Variants in PRKN observed in about 807,000 individuals in gnomAD.
The protein encoded by PRKN is E3 ubiquitin-protein ligase parkin.
PRKN carries 56 observed loss-of-function variants against 59.5 expected under a neutral mutation model. The ratio of observed to expected loss-of-function variants is 0.94; its 90% CI spans 0.76 to 1.18. The LOEUF is 1.18. PRKN is among the 50% of genes most tolerant of loss of function. The probability of loss-of-function intolerance (pLI) is 0.00; values close to 1 mark genes in which losing one functional copy is unlikely to be tolerated. For missense variants in PRKN, 657 were observed against 596.4 expected, an observed-to-expected ratio of 1.10 and a Z score of -1.06; for synonymous variants, 250 against 222.1, an observed-to-expected ratio of 1.13 and a Z score of -1.12.
intron 1 of PRKN, among the ~76,000 whole-genome samples, chr6:162,469,942 A>C (rs1019180122): frequency 1.3e-5 from 2 of 152,330 alleles, no homozygotes; most frequent in Middle Eastern, 3.4e-3. Context: ...CTAACTGTCC[A>C]TAAGTATTCA....
At chr6:161,854,797 G>T (rs1293137926) in intron 6 of PRKN, among the ~76,000 whole-genome samples, 4 of 151,992 alleles carry the variant, frequency 2.6e-5, no homozygotes, top group African/African-American at 4.8e-5. Context: ...TAGAAAAGTG[G>T]TTCTCGGCCG....
At chr6:161,807,869 T>C (rs578034617) in intron 6 of PRKN, among the ~76,000 whole-genome samples, 1 of 152,312 alleles carries the variant, frequency 6.6e-6, no homozygotes, top group East Asian at 1.9e-4. Flanking sequence ...CACTCACAGG[T>C]ACCAGAGATT....
chr6:161,400,609 C>T lies in PRKN; in HGVS notation c.1084-13732G>A, dbSNP rs749141417. 1.3e-4 allele frequency among the ~76,000 whole-genome samples: 20 copies of T among 152,002 alleles called. No individual in the cohort carries two copies. Among genetic ancestry groups the T allele is most frequent in the Admixed American group, 3.3e-4 (5 of 15,260 alleles). On this transcript the variant is annotated intron_variant, in intron 9 of 11. Coordinates refer to ENST00000366898, the MANE Select transcript of PRKN (RefSeq NM_004562.3). This position sits in a 1 kb window ranked among gnomAD's most constrained non-coding sequence, Gnocchi z 4.2. ...GATTACAGGCATGAGCCACCACGCT[C>T]GGCCGAAAATTAAACGTATTCTAAG...
intron 2 of PRKN, among the ~76,000 whole-genome samples, chr6:162,350,902 G>A (rs1336325332): frequency 6.6e-6 from 1 of 152,192 alleles, no homozygotes; most frequent in East Asian, 1.9e-4. Flanking sequence ...CTTGGATAAA[G>A]CATTTGCAAG....
intron 1 of PRKN, among the ~76,000 whole-genome samples, chr6:162,619,456 T>C (rs1454407586): frequency 6.6e-6 from 1 of 152,050 alleles, no homozygotes; most frequent in Non-Finnish European, 1.5e-5. Flanking sequence ...TACAATAGCA[T>C]GGGGATCTCA....
chr6:162,560,438 A>C (rs1779787559), intron 1 of PRKN, among the ~76,000 whole-genome samples: 1 of 152,226 alleles, frequency 6.6e-6, no homozygotes, highest in African/African-American at 2.4e-5. Flanking sequence ...ATCAATGTCC[A>C]GAAGGTCAAA....
chr6:162,334,872 T>G (rs1562679696), intron 2 of PRKN, among the ~76,000 whole-genome samples: 1 of 152,180 alleles, frequency 6.6e-6, no homozygotes, highest in Non-Finnish European at 1.5e-5. Context: ...CATCTTTCAA[T>G]GACTTACTCC....
intron 4 of PRKN, among the ~76,000 whole-genome samples, chr6:162,101,647 A>G (rs1233362117): frequency 6.6e-6 from 1 of 151,820 alleles, no homozygotes; most frequent in Non-Finnish European, 1.5e-5. Flanking sequence ...ACTCCAGCCT[A>G]GGCAACAGAG....
At chr6:162,526,346 A>C (rs1434204257) in intron 1 of PRKN, among the ~76,000 whole-genome samples, 1 of 151,632 alleles carries the variant, frequency 6.6e-6, no homozygotes, top group Non-Finnish European at 1.5e-5. Context: ...AAAACAGTCA[A>C]AAGCTTAAAA....
chr6:162,332,101 C>T (rs1783607810), intron 2 of PRKN, among the ~76,000 whole-genome samples: 1 of 152,146 alleles, frequency 6.6e-6, no homozygotes, highest in African/African-American at 2.4e-5. Flanking sequence ...CTCAGCTCAA[C>T]CAGAATTAAT....
intron 7 of PRKN, among the ~76,000 whole-genome samples, chr6:161,647,978 T>C (rs887651773): frequency 2.6e-5 from 4 of 152,246 alleles, no homozygotes; most frequent in African/African-American, 9.6e-5. Flanking sequence ...ATTGGTTTTA[T>C]GGCTATAGCA....
chr6:162,094,980 G>C (rs1040735791), intron 4 of PRKN, among the ~76,000 whole-genome samples: 1 of 152,140 alleles, frequency 6.6e-6, no homozygotes, highest in Non-Finnish European at 1.5e-5. Flanking sequence ...ATGATAGGTA[G>C]ATAGATGCCA....
At chr6:162,148,309 G>A (rs929634950) in intron 4 of PRKN, among the ~76,000 whole-genome samples, 3 of 151,518 alleles carry the variant, frequency 2.0e-5, no homozygotes, top group African/African-American at 4.8e-5. Context: ...TTTGACCCTC[G>A]TGATTCAGCT....
chr6:162,321,534 C>A (rs1783024143), intron 2 of PRKN, among the ~76,000 whole-genome samples: 1 of 151,586 alleles, frequency 6.6e-6, no homozygotes, highest in Non-Finnish European at 1.5e-5. Context: ...TTTTTTCAGC[C>A]ATTATTACTT....
chr6:162,538,855 C>G (rs1299830257), intron 1 of PRKN, among the ~76,000 whole-genome samples: 1 of 152,226 alleles, frequency 6.6e-6, no homozygotes, highest in Non-Finnish European at 1.5e-5. Context: ...CTGTCTATTT[C>G]AGTGTACACA....
At position 161,495,805 on chromosome 6, in the gene PRKN, C is replaced by T. The variant is rs77908053; in HGVS notation, c.1083+53049G>A. Among the ~76,000 whole-genome samples, 1,039 of 152,320 alleles carry T rather than the reference C, an allele frequency of 6.8e-3. 4 individuals carry two copies. Among genetic ancestry groups the T allele is most frequent in the Non-Finnish European group, 0.011 (729 of 68,018 alleles). On this transcript the variant is annotated intron_variant, in intron 9 of 11. Transcript: ENST00000366898. Reference sequence around the variant, plus strand: ...TTTCATCATTTCTAGAATCTAATTCCGTGCTCTCTTGGTGGGGTTAGACCC... The same window carrying T: ...TTTCATCATTTCTAGAATCTAATTCTGTGCTCTCTTGGTGGGGTTAGACCC...
At chr6:162,388,374 C>T (rs73015616) in intron 2 of PRKN, among the ~76,000 whole-genome samples, 4,048 of 152,256 alleles carry the variant, frequency 0.027, 71 homozygotes, top group Non-Finnish European at 0.042. Flanking sequence ...TCTCTAACAA[C>T]GTTTCTATCC....
intron 5 of PRKN, among the ~76,000 whole-genome samples, chr6:161,998,301 C>T (rs972963858): frequency 6.6e-6 from 1 of 152,064 alleles, no homozygotes; most frequent in Non-Finnish European, 1.5e-5. Flanking sequence ...AATCTTTATT[C>T]GTGCTATGAT....
chr6:162,682,831 A>G (rs1584041380), intron 1 of PRKN, among the ~76,000 whole-genome samples: 1 of 152,298 alleles, frequency 6.6e-6, no homozygotes, highest in Admixed American at 6.5e-5. Context: ...GGTAGATTCT[A>G]TTAATTTGGT....
Sources: gnomAD v4.1 joint callset for allele counts (sites outside exome capture counted in the v4.1 genomes callset) on GRCh38, gnomAD v4.1.1 for gene constraint, Gnocchi (gnomAD v3.1) non-coding constraint, MANE v1.5 for transcripts, NCBI Gene and HGNC (gene_info 2026-07-23, HGNC 2026-07-21) for gene names.